Variants in BANK1 observed in about 807,000 individuals in gnomAD.
BANK1 encodes the protein B-cell scaffold protein with ankyrin repeats.
Under a neutral mutation model 94.5 loss-of-function variants are expected in BANK1, and 95 were observed. The ratio of observed to expected loss-of-function variants is 1.00; its 90% CI spans 0.85 to 1.19. BANK1 has a LOEUF of 1.19. Ranked by LOEUF, BANK1 falls within the 50% of genes most tolerant of loss-of-function variation. The pLI, the probability that BANK1 is intolerant of heterozygous loss-of-function variation, is 0.00. For missense variants in BANK1, 987 were observed against 932.2 expected (o/e 1.06, Z -0.77); for synonymous variants, 334 against 308.4 (o/e 1.08, Z -0.87).
At chr4:101,899,447 C>A (rs193181853) in intron 6 of BANK1, among the ~76,000 whole-genome samples, 2 of 152,216 alleles carry the variant, frequency 1.3e-5, no homozygotes, top group Non-Finnish European at 2.9e-5. Context: ...ATAATTTTAG[C>A]ATATTCTCAA....
intron 2 of BANK1, among the ~76,000 whole-genome samples, chr4:101,841,227 G>T (rs1049564459): frequency 2.6e-5 from 4 of 152,084 alleles, no homozygotes; most frequent in Non-Finnish European, 4.4e-5. Context: ...GAACATAAAA[G>T]AAGCAGGAAG....
chr4:101,866,393 T>C (rs1172270375), intron 4 of BANK1, among the ~76,000 whole-genome samples: 3 of 152,058 alleles, frequency 2.0e-5, no homozygotes, highest in Non-Finnish European at 2.9e-5. Flanking sequence ...TCAGAAGGTC[T>C]AACATACATG....
At chr4:101,896,662 A>G (rs954295647) in intron 6 of BANK1, among the ~76,000 whole-genome samples, 1 of 151,994 alleles carries the variant, frequency 6.6e-6, no homozygotes, top group Non-Finnish European at 1.5e-5. Flanking sequence ...GGAGCATATG[A>G]TTCTTTACAT....
chr4:101,823,148 C>T (rs1435659428), intron 1 of BANK1, among the ~76,000 whole-genome samples: 8 of 152,042 alleles, frequency 5.3e-5, no homozygotes, highest in Non-Finnish European at 1.2e-4. Context: ...AACACAATAC[C>T]TTTCCCAAAT....
At chr4:101,815,939 T>C in intron 1 of BANK1, among the ~76,000 whole-genome samples, 1 of 152,204 alleles carries the variant, frequency 6.6e-6, no homozygotes, top group East Asian at 1.9e-4. Context: ...ATGTCTCTGT[T>C]CCATGTATTC....
At position 101,862,558 on chromosome 4, in the gene BANK1, T is replaced by A. The variant is rs1406575130; in HGVS notation, c.657T>A (p.Asp219Glu). The change falls in exon 4 of 17, where the codon GAT (aspartate) becomes GAA (glutamate). Residue 219 changes from aspartate (D) to glutamate (E), a missense_variant. Coordinates refer to ENST00000322953, the MANE Select transcript of BANK1 (RefSeq NM_017935.5). Reference protein sequence around the residue: ...NPGEIFIILRDEVIGDTVEVE... With the variant: ...NPGEIFIILREEVIGDTVEVE... ...GTGAAATATTCATAATTTTGAGAGA[T>A]GAAGTAATTGGTGATACTGTAGAGG... 2 of 1,608,398 alleles carry A rather than the reference T, an allele frequency of 1.2e-6. No homozygotes were observed. The highest frequency in any genetic ancestry group is 3.4e-5 in the Admixed American group (2 of 59,188).
intron 13 of BANK1, among the ~76,000 whole-genome samples, chr4:102,069,799 T>G (rs1256193586): frequency 1.3e-5 from 2 of 152,200 alleles, no homozygotes; most frequent in South Asian, 2.1e-4. Flanking sequence ...GAATACTTAC[T>G]ATTATAACAA....
At chr4:101,810,983 T>C (rs1230544836) in intron 1 of BANK1, among the ~76,000 whole-genome samples, 1 of 152,164 alleles carries the variant, frequency 6.6e-6, no homozygotes, top group African/African-American at 2.4e-5. Context: ...GGGCTTCATA[T>C]TTTATCTCTA....
At chr4:101,967,547 A>G (rs993577393) in intron 7 of BANK1, among the ~76,000 whole-genome samples, 1 of 152,020 alleles carries the variant, frequency 6.6e-6, no homozygotes, top group Non-Finnish European at 1.5e-5. Context: ...TTCAGACAAA[A>G]TTACATTCAA....
chr4:101,910,694 GAAAAAAA>G (rs1159879652), intron 6 of BANK1, among the ~76,000 whole-genome samples: 1 of 67,722 alleles, frequency 1.5e-5, no homozygotes, highest in South Asian at 4.9e-4. Flanking sequence ...ACTCCGTCTC[GAAAAAAA>G]AAAAAAAAAA....
intron 2 of BANK1, among the ~76,000 whole-genome samples, chr4:101,833,118 TA>T (rs1482689273): frequency 2.6e-5 from 4 of 152,198 alleles, no homozygotes; most frequent in African/African-American, 7.2e-5. Flanking sequence ...TAGCTGGGAT[TA>T]CAGGTGTGTG....
In BANK1 at chr4:101,942,025, A is replaced by C. The variant is rs913721751; in HGVS notation, c.1206+23836A>C. Among the ~76,000 whole-genome samples the C allele has an allele frequency of 4.0e-5, 6 of 151,822 alleles. No homozygotes were observed. In the South Asian group the frequency reaches 8.3e-4, roughly 21 times the overall value. On this transcript the variant is annotated intron_variant, in intron 7 of 16. Coordinates refer to ENST00000322953, the MANE Select transcript of BANK1 (RefSeq NM_017935.5). ...TCAGTAATTGGACTTCATGGAAGAG[A>C]GTAAGAACAATAGCTATTTATATCA...
At chr4:102,066,091 C>T (rs1229248118) in intron 13 of BANK1, among the ~76,000 whole-genome samples, 2 of 151,958 alleles carry the variant, frequency 1.3e-5, no homozygotes, top group African/African-American at 2.4e-5. Flanking sequence ...CTTAGCATAA[C>T]TGTTAAAAGA....
At chr4:101,901,691 T>G (rs1233255708) in intron 6 of BANK1, among the ~76,000 whole-genome samples, 1 of 151,874 alleles carries the variant, frequency 6.6e-6, no homozygotes, top group South Asian at 2.1e-4. Flanking sequence ...AAGAGGCAGA[T>G]GATAAAAAGC....
chr4:102,015,881 G>A (rs906795939), intron 7 of BANK1, among the ~76,000 whole-genome samples: 1 of 152,008 alleles, frequency 6.6e-6, no homozygotes, highest in African/African-American at 2.4e-5. Flanking sequence ...TAAAATACGG[G>A]CAGGAACATG....
intron 1 of BANK1, among the ~76,000 whole-genome samples, chr4:101,802,743 A>C (rs538687466): frequency 1.3e-5 from 2 of 148,718 alleles, no homozygotes; most frequent in African/African-American, 4.9e-5. Context: ...GAAAAGATGA[A>C]AAAACAAATA....
chr4:102,007,621 T>A (rs191025174), intron 7 of BANK1, among the ~76,000 whole-genome samples: 270 of 152,222 alleles, frequency 1.8e-3, no homozygotes, highest in Non-Finnish European at 2.9e-3. Context: ...CCCTTTTTAG[T>A]ACATCTATCA....
chr4:102,015,599 C>A (rs919128797), intron 7 of BANK1, among the ~76,000 whole-genome samples: 6 of 152,114 alleles, frequency 3.9e-5, no homozygotes, highest in Non-Finnish European at 7.4e-5. Context: ...AACAAAAGTT[C>A]TTTGGAGGAG....
chr4:101,816,358 A>T (rs1319855602), intron 1 of BANK1, among the ~76,000 whole-genome samples: 1 of 152,106 alleles, frequency 6.6e-6, no homozygotes, highest in Non-Finnish European at 1.5e-5. Context: ...ATTTCTTCTT[A>T]GTTTGTTCAA....
Sources: allele counts gnomAD v4.1 joint callset (sites outside exome capture counted in the v4.1 genomes callset), GRCh38; gene constraint gnomAD v4.1.1; transcripts MANE v1.5; gene names NCBI Gene and HGNC (gene_info 2026-07-23, HGNC 2026-07-21).